SLC6A6: variants seen among roughly 807,000 people sequenced by gnomAD.
SLC6A6 encodes solute carrier family 6 member 6.
A neutral mutation model predicts 68.8 loss-of-function variants in SLC6A6; 16 were observed. That is an observed-to-expected ratio of 0.23 (90% confidence interval 0.16 to 0.35). SLC6A6 has a LOEUF of 0.35. SLC6A6 is among the 10% of genes least tolerant of loss of function. SLC6A6 has a pLI of 1.00. For synonymous variants in SLC6A6, 312 were observed against 315.4 expected, an observed-to-expected ratio of 0.99 and a Z score of 0.12; for missense variants, 474 against 802.8, an observed-to-expected ratio of 0.59 and a Z score of 4.95.
At chr3:14,471,694 C>G (rs1700755784) in intron 9 of SLC6A6, among the ~76,000 whole-genome samples, 1 of 152,224 alleles carries the variant, frequency 6.6e-6, no homozygotes, top group Non-Finnish European at 1.5e-5. Context: ...CCTGAAGAGA[C>G]AGGCCTCCTG....
At chr3:14,444,865 A>C (rs919229774) in intron 3 of SLC6A6, 4 of 455,548 alleles carry the variant, frequency 8.8e-6, no homozygotes, top group Non-Finnish European at 1.8e-5. Context: ...AGTGGACACC[A>C]GGTAGGATCC....
chr3:14,421,847 G>A lies in SLC6A6; in HGVS notation c.-12+5394G>A, dbSNP rs534507511. Reference sequence around the variant, plus strand: ...GGCTTTGGTTTTGCACACAGCTGCTGCTGGGAGCTGGGGCCAGGGCAGGCA... The same window carrying A: ...GGCTTTGGTTTTGCACACAGCTGCTACTGGGAGCTGGGGCCAGGGCAGGCA... On this transcript the variant is annotated intron_variant, in intron 2 of 14. Transcript: ENST00000622186. Among the ~76,000 whole-genome samples the A allele has an allele frequency of 1.2e-4, 18 of 152,312 alleles. 2 individuals carry two copies. The highest frequency in any genetic ancestry group is 4.3e-4 in the African/African-American group (18 of 41,584).
chr3:14,417,520 A>G (rs1045810890), intron 2 of SLC6A6, among the ~76,000 whole-genome samples: 1 of 152,120 alleles, frequency 6.6e-6, no homozygotes, highest in Admixed American at 6.5e-5. Context: ...TCACGAGGTC[A>G]GGAGATCGAG....
chr3:14,426,412 A>G (rs189854193), intron 2 of SLC6A6, among the ~76,000 whole-genome samples: 1 of 152,334 alleles, frequency 6.6e-6, no homozygotes, highest in East Asian at 1.9e-4. Flanking sequence ...TGCACATGCA[A>G]GCCTGCAGCC....
chr3:14,470,714 C>T (rs568858231), intron 9 of SLC6A6, among the ~76,000 whole-genome samples: 10 of 152,252 alleles, frequency 6.6e-5, no homozygotes, highest in African/African-American at 1.4e-4. Flanking sequence ...AGTGGGGCCC[C>T]GGTCTGGGTG....
rs768297087 is a variant in SLC6A6 at position 14,443,613 on chromosome 3, G to T, written c.-11-11G>T. The T allele has an allele frequency of 1.3e-5, 21 of 1,555,906 alleles. No individual in the cohort carries two copies. The Admixed American group carries it at 3.6e-4, about 26-fold the overall frequency. ...ATCAGCTGCAGGATGCTTCTCTTTT[G>T]TCCCCCATAGAAAGCAAGGAGATGG... is the stretch of plus-strand genomic sequence containing the variant. On this transcript the variant is annotated splice_polypyrimidine_tract_variant and intron_variant, in intron 2 of 14. Transcript: ENST00000622186.
chr3:14,447,841 G>C (rs755104916), intron 5 of SLC6A6, 25 bp downstream of exon 5: 9 of 1,613,432 alleles, frequency 5.6e-6, no homozygotes, highest in Non-Finnish European at 7.6e-6. Flanking sequence ...TTGAAGCAAG[G>C]AGGAGGACAT....
intron 2 of SLC6A6, among the ~76,000 whole-genome samples, chr3:14,433,225 G>T (rs557361221): frequency 4.6e-5 from 7 of 152,236 alleles, no homozygotes; most frequent in Non-Finnish European, 8.8e-5. Flanking sequence ...AGAGAGAATT[G>T]CCCCAGGTAA....
At chr3:14,461,239 T>A (rs1412770085) in intron 6 of SLC6A6, among the ~76,000 whole-genome samples, 1 of 152,232 alleles carries the variant, frequency 6.6e-6, no homozygotes, top group Non-Finnish European at 1.5e-5. Flanking sequence ...TGAATCCTCC[T>A]CATGGTTTGG....
intron 2 of SLC6A6, among the ~76,000 whole-genome samples, chr3:14,435,737 GTGTT>G (rs1162525549): frequency 6.6e-6 from 1 of 152,218 alleles, no homozygotes; most frequent in Non-Finnish European, 1.5e-5. Context: ...GGCCCCCTCT[GTGTT>G]TGTGTTTGAC....
Position 14,488,707 on chromosome 3 carries a change from A to G in SLC6A6, c.*3700A>G, listed in dbSNP as rs1701245292. ...AAACAAAACAAACCCAGAGAGCCAA[A>G]CTTGTAGAGGTGGGCAGTCCAGAAA... On this transcript the variant is annotated 3_prime_UTR_variant, in exon 15 of 15. Transcript: ENST00000622186. The G allele has an allele frequency of 6.6e-6, 1 of 152,456 alleles. No homozygotes were observed. The highest frequency in any genetic ancestry group is 2.4e-5 in the African/African-American group (1 of 41,446). The allele number at this position is 152,456 out of a possible 1,614,324, so 9.4% of individuals were successfully genotyped here.
intron 2 of SLC6A6, among the ~76,000 whole-genome samples, chr3:14,442,108 G>A (rs767648971): frequency 1.3e-5 from 2 of 152,210 alleles, no homozygotes; most frequent in Non-Finnish European, 2.9e-5. Context: ...GGGTGTGGTC[G>A]TGTGACAAGG....
intron 6 of SLC6A6, among the ~76,000 whole-genome samples, chr3:14,464,228 G>A (rs1043363194): frequency 2.0e-5 from 3 of 152,186 alleles, no homozygotes; most frequent in Non-Finnish European, 4.4e-5. Flanking sequence ...CCTACTGGCT[G>A]CCCTCTGGTC....
At position 14,484,919 on chromosome 3, in the gene SLC6A6, G is replaced by A. The variant is rs550083440; in HGVS notation, c.1775G>A (p.Arg592His). The A allele has an allele frequency of 1.5e-5, 24 of 1,612,336 alleles. No homozygotes were observed. The highest frequency in any genetic ancestry group is 5.5e-5 in the South Asian group (5 of 90,994). The change falls in exon 15 of 15, where the codon CGC becomes CAC. Residue 592 changes from arginine (R) to histidine (H), a missense_variant. Physicochemically the swap from Arg to His is conservative, Grantham distance 29. Transcript: ENST00000622186. ...PREPNRWAVE[R>H]EGATPYNSRT... Reference sequence around the variant, plus strand: ...GAACCCAACCGCTGGGCTGTGGAGCGCGAGGGAGCCACACCTTACAACTCT... The same window carrying A: ...GAACCCAACCGCTGGGCTGTGGAGCACGAGGGAGCCACACCTTACAACTCT...
chr3:14,420,503 T>TC (rs2124910622), intron 2 of SLC6A6, among the ~76,000 whole-genome samples: 1 of 151,282 alleles, frequency 6.6e-6, no homozygotes, highest in African/African-American at 2.4e-5. Flanking sequence ...TTTTTTTTTT[T>TC]TTTTTGAGAC....
chr3:14,447,538 G>A, intron 4 of SLC6A6, 44 bp from the exon 5 acceptor site: 1 of 1,607,804 alleles, frequency 6.2e-7, no homozygotes, highest in Non-Finnish European at 8.5e-7. Context: ...TGGTGGGTCT[G>A]GCCTCCCTCA....
chr3:14,433,795 T>A (rs528143432), intron 2 of SLC6A6, among the ~76,000 whole-genome samples: 1 of 102,260 alleles, frequency 9.8e-6, no homozygotes, highest in Non-Finnish European at 1.8e-5. Flanking sequence ...AGAGCTAGAC[T>A]CTGTCTCAAA....
chr3:14,479,304 C>G, intron 13 of SLC6A6, 119 bp downstream of exon 13: 2 of 693,664 alleles, frequency 2.9e-6, no homozygotes, highest in Non-Finnish European at 5.2e-6. Context: ...ATAAACCCAG[C>G]TTCAGCGCTG....
chr3:14,467,240 C>T (rs886523022), intron 7 of SLC6A6, among the ~76,000 whole-genome samples: 3 of 152,206 alleles, frequency 2.0e-5, no homozygotes, highest in African/African-American at 7.2e-5. Flanking sequence ...CTCTCCTTCC[C>T]CACCACCCTT....
Sources: allele counts gnomAD v4.1 joint callset (sites outside exome capture counted in the v4.1 genomes callset), GRCh38; gene constraint gnomAD v4.1.1; transcripts MANE v1.5; gene names NCBI Gene and HGNC (gene_info 2026-07-23, HGNC 2026-07-21).